Variants in DEDD observed in about 807,000 individuals in gnomAD.
The protein encoded by DEDD is death effector domain-containing protein.
DEDD carries 3 observed loss-of-function variants against 29.2 expected under a neutral mutation model. The observed-to-expected ratio is 0.10, with a 90% CI of 0.05 to 0.27. DEDD has a LOEUF of 0.27. Ranked by LOEUF, DEDD falls within the 10% of genes least tolerant of loss-of-function variation. The probability of loss-of-function intolerance (pLI) is 1.00; values close to 1 mark genes in which losing one functional copy is unlikely to be tolerated. For synonymous variants in DEDD, 152 were observed against 161.3 expected, an observed-to-expected ratio of 0.94 and a Z score of 0.44; for missense variants, 261 against 420.5, an observed-to-expected ratio of 0.62 and a Z score of 3.32.
At chr1:161,126,409 T>C (rs1216457230) in intron 2 of DEDD, among the ~76,000 whole-genome samples, 1 of 149,992 alleles carries the variant, frequency 6.7e-6, no homozygotes, top group East Asian at 2.0e-4. Flanking sequence ...AGTGGCGCGA[T>C]CTTGGCTCAC....
intron 5 of DEDD, 70 bp downstream of exon 5, chr1:161,123,005 C>T (rs1269521794): frequency 1.9e-6 from 3 of 1,614,002 alleles, no homozygotes; most frequent in Non-Finnish European, 1.7e-6. Flanking sequence ...ATAAACTGCC[C>T]AGTGTCCCAG....
rs1655944929 is a variant in DEDD at position 161,124,502 on chromosome 1, C to T, written c.-40G>A. 1 of 1,568,442 alleles carries T rather than the reference C, an allele frequency of 6.4e-7. No individual in the cohort carries two copies. The highest frequency in any genetic ancestry group is 1.3e-5 in the African/African-American group (1 of 74,324). On this transcript the variant is annotated 5_prime_UTR_variant, in exon 3 of 6. Transcript: ENST00000368006. Reference sequence around the variant, plus strand: ...TACGCAATGCTTTCCAGAATCCCTGCTCAGCAGCTGCAATCCCCACCGTAC... The same window carrying T: ...TACGCAATGCTTTCCAGAATCCCTGTTCAGCAGCTGCAATCCCCACCGTAC...
At position 161,121,977 on chromosome 1, in the gene DEDD, AG is replaced by A; in HGVS notation, c.*169del. Reference sequence around the variant, plus strand: ...AGGGGAAGCCCAGGCACATGGGTGCAGGGAGGGGTGGGGAATACCACTTCCA... The same window carrying A: ...AGGGGAAGCCCAGGCACATGGGTGCAGGAGGGGTGGGGAATACCACTTCCA... On this transcript the variant is annotated 3_prime_UTR_variant, in exon 6 of 6. Transcript: ENST00000368006. 1.2e-6 allele frequency: 1 copy of A among 815,220 alleles called. No homozygotes were observed. The highest frequency in any genetic ancestry group is 1.9e-6 in the Non-Finnish European group (1 of 529,230). 50.5% of individuals were successfully genotyped at this position (815,220 alleles called of 1,614,324 possible).
At chr1:161,123,576 C>G (rs1253609428) in intron 4 of DEDD, among the ~76,000 whole-genome samples, 2 of 147,478 alleles carry the variant, frequency 1.4e-5, no homozygotes, top group Admixed American at 1.4e-4. Flanking sequence ...GTGGGGCTTG[C>G]AGTGAACCGA....
At chr1:161,129,152 A>G (rs1656417652) in intron 2 of DEDD, among the ~76,000 whole-genome samples, 1 of 152,244 alleles carries the variant, frequency 6.6e-6, no homozygotes, top group South Asian at 2.1e-4. Context: ...TGCTTATTCA[A>G]TGAAGCAAAC....
At position 161,122,751 on chromosome 1, in the gene DEDD, C is replaced by T. The variant is rs190514182; in HGVS notation, c.581-228G>A. ...CGAGGTCAGCACTGTTCCCATTACTCACAGGTAGCAACTTGTTTATAGGAG... is the reference window on the plus strand; with the variant it reads ...CGAGGTCAGCACTGTTCCCATTACTTACAGGTAGCAACTTGTTTATAGGAG... On this transcript the variant is annotated intron_variant, in intron 5 of 5. Transcript: ENST00000368006. The surrounding 1 kb of genome is among the most constrained non-coding windows in gnomAD (Gnocchi z 4.2). Among the ~76,000 whole-genome samples, 3 of 152,322 alleles carry T rather than the reference C, an allele frequency of 2.0e-5. No homozygotes were observed. Among genetic ancestry groups the T allele is most frequent in the Admixed American group, 2.0e-4 (3 of 15,298 alleles).
At position 161,123,950 on chromosome 1, in the gene DEDD, T is replaced by G; in HGVS notation, c.326-4A>C. The G allele has an allele frequency of 6.2e-7, 1 of 1,613,348 alleles. No individual in the cohort carries two copies. ...TTGTCTACAAGATCAGGGCACACTGTAGGAGGAGAAGTAATCATTCAGGAA... is the reference window on the plus strand; with the variant it reads ...TTGTCTACAAGATCAGGGCACACTGGAGGAGGAGAAGTAATCATTCAGGAA... On this transcript the variant is annotated splice_polypyrimidine_tract_variant and splice_region_variant and intron_variant, in intron 3 of 5. Coordinates refer to ENST00000368006, the MANE Select transcript of DEDD (RefSeq NM_032998.3).
At chr1:161,124,731 G>A (rs1655969059) in intron 2 of DEDD, 1 of 527,102 alleles carries the variant, frequency 1.9e-6, no homozygotes. Flanking sequence ...GGAGGCCAAG[G>A]CAGGAGGATC....
rs1459048811 is a variant in DEDD, at chr1:161,124,434, T to A, written c.29A>T (p.Gln10Leu). ...CTCACCATGCTCTTCTGGCCACACC[T>A]GGCTTGCCCGCCGCTTTAGGCCCGC... Reference protein sequence around the residue: MAGLKRRASQVWPEEHGEQE... With the variant: MAGLKRRASLVWPEEHGEQE... The change falls in exon 3 of 6, where the codon CAG becomes CTG. Residue 10 changes from glutamine to leucine, a missense_variant. This residue lies in a region of DEDD where 203 missense variants were observed against 268.7 expected (regional missense o/e 0.76). Coordinates refer to ENST00000368006, the MANE Select transcript of DEDD (RefSeq NM_032998.3). The A allele has an allele frequency of 6.2e-7, 1 of 1,605,350 alleles. No individual in the cohort carries two copies. The highest frequency in any genetic ancestry group is 1.3e-5 in the African/African-American group (1 of 74,938).
In DEDD at chr1:161,124,205, C is replaced by G. The variant is rs529411793; in HGVS notation, c.258G>C (p.Leu86=). 6.2e-7 allele frequency: 1 copy of G among 1,614,234 alleles called. No homozygotes were observed. Among genetic ancestry groups the G allele is most frequent in the African/African-American group, 1.3e-5 (1 of 75,064 alleles). Residue 86 remains leucine, a synonymous_variant, in exon 3 of 6, where the codon CTG becomes CTC. Coordinates refer to ENST00000368006, the MANE Select transcript of DEDD (RefSeq NM_032998.3). ...RCDESNFRQV[L]QLLRIITRHD... ...GGCGAGTGATGATGCGCAGCAGCTGCAGCACCTGGCGAAAGTTACTTTCAT... is the reference window on the plus strand; with the variant it reads ...GGCGAGTGATGATGCGCAGCAGCTGGAGCACCTGGCGAAAGTTACTTTCAT...
chr1:161,123,261 A>AC, intron 4 of DEDD, 40 bp from the exon 5 acceptor site: 1 of 1,578,366 alleles, frequency 6.3e-7, no homozygotes, highest in Non-Finnish European at 8.7e-7. Flanking sequence ...CAGTAGGGTA[A>AC]AGGCAGAAAT....
At chr1:161,127,806 T>C (rs1200552500) in intron 2 of DEDD, among the ~76,000 whole-genome samples, 1 of 152,196 alleles carries the variant, frequency 6.6e-6, no homozygotes, top group Non-Finnish European at 1.5e-5. Flanking sequence ...TTCTCTTTGT[T>C]CCCTATCCCA....
Position 161,124,406 on chromosome 1 carries a change from C to G in DEDD, c.57G>C (p.Gln19His). The part of the protein sequence containing the change: ...SQVWPEEHGE[Q>H]EHGLYSLHRM... ...GGTGCAGGCTGTACAGCCCATGTTC[C>G]TGCTCACCATGCTCTTCTGGCCACA... Residue 19 changes from glutamine to histidine, a missense_variant, in exon 3 of 6, where the codon CAG becomes CAC. Physicochemically the swap from Gln to His is conservative, Grantham distance 24 (BLOSUM62 0). Coordinates refer to ENST00000368006, the MANE Select transcript of DEDD (RefSeq NM_032998.3). 2 of 1,613,008 alleles carry G rather than the reference C, an allele frequency of 1.2e-6. No homozygotes were observed. The highest frequency in any genetic ancestry group is 1.7e-6 in the Non-Finnish European group (2 of 1,179,152).
Position 161,122,584 on chromosome 1 carries a change from A to G in DEDD, c.581-61T>C. 1 of 1,555,358 alleles carries G rather than the reference A, an allele frequency of 6.4e-7. No homozygotes were observed. Among genetic ancestry groups the G allele is most frequent in the South Asian group, 1.2e-5 (1 of 83,678 alleles). On this transcript the variant is annotated intron_variant, in intron 5 of 5. Coordinates refer to ENST00000368006, the MANE Select transcript of DEDD (RefSeq NM_032998.3). The surrounding 1 kb of genome is among the most constrained non-coding windows in gnomAD (Gnocchi z 4.2). ...ACAGTAAGGGATGAGTTTACAAGCCAAGCTTGAAAACTGAAAAGCACAACA... is the reference window on the plus strand; with the variant it reads ...ACAGTAAGGGATGAGTTTACAAGCCGAGCTTGAAAACTGAAAAGCACAACA...
Position 161,121,008 on chromosome 1 carries a change from CTG to C in DEDD, c.*1137_*1138del. On this transcript the variant is annotated 3_prime_UTR_variant, in exon 6 of 6. Transcript: ENST00000368006. ...ATAGTCATTGTTTATTTCATGGAAA[CTG>C]AAGTTCTGCTGAGGGCTGAGCAGCA... 2 of 1,382,166 alleles carry C rather than the reference CTG, an allele frequency of 1.4e-6. No individual in the cohort carries two copies. The highest frequency in any genetic ancestry group is 1.9e-6 in the Non-Finnish European group (2 of 1,068,236). 85.6% of individuals were successfully genotyped at this position (1,382,166 alleles called of 1,614,324 possible).
At chr1:161,123,488 T>C (rs917690743) in intron 4 of DEDD, among the ~76,000 whole-genome samples, 1 of 151,900 alleles carries the variant, frequency 6.6e-6, no homozygotes, top group Non-Finnish European at 1.5e-5. Flanking sequence ...TACAAAAAAT[T>C]AGCTGGGCGT....
At chr1:161,127,710 G>T (rs1220586005) in intron 2 of DEDD, among the ~76,000 whole-genome samples, 1 of 152,160 alleles carries the variant, frequency 6.6e-6, no homozygotes, top group African/African-American at 2.4e-5. Context: ...CTGTTACTGG[G>T]TACAAATGAA....
At chr1:161,130,408 A>G (rs1435055661) in intron 2 of DEDD, among the ~76,000 whole-genome samples, 2 of 152,228 alleles carry the variant, frequency 1.3e-5, no homozygotes, top group Admixed American at 1.3e-4. Context: ...GAAGGATGCC[A>G]GGAACCCCCC....
chr1:161,123,092 T>A lies in DEDD; in HGVS notation c.563A>T (p.Lys188Met), dbSNP rs534874719. 1.2e-6 allele frequency: 2 copies of A among 1,614,208 alleles called. No homozygotes were observed. Among genetic ancestry groups the A allele is most frequent in the East Asian group, 2.2e-5 (1 of 44,882 alleles). The change falls in exon 5 of 6, where the codon AAG (lysine) becomes ATG (methionine). Residue 188 changes from lysine to methionine, a missense_variant. By Grantham distance (95) the Lys-to-Met change is moderately conservative (BLOSUM62 -1). Around this residue, in one of 2 missense-constraint regions of DEDD, gnomAD observed 203 missense variants for 268.7 expected, o/e 0.76. Coordinates refer to ENST00000368006, the MANE Select transcript of DEDD (RefSeq NM_032998.3). ...TTCCTCACCACATGTCTGCTTCTCC[T>A]TGGGATCTGGTGTCACTGACTTCCG... ...KRRKSVTPDP[K>M]EKQTCDIRLR...
Sources: gnomAD v4.1 joint callset for allele counts (sites outside exome capture counted in the v4.1 genomes callset) on GRCh38, gnomAD v4.1.1 for gene constraint, gnomAD v4.1.1 regional missense constraint, Gnocchi (gnomAD v3.1) non-coding constraint, MANE v1.5 for transcripts, NCBI Gene and HGNC (gene_info 2026-07-23, HGNC 2026-07-21) for gene names.